DTNA: variants seen among roughly 807,000 people sequenced by gnomAD.
The protein encoded by DTNA is dystrobrevin alpha.
Under a neutral mutation model 100.7 loss-of-function variants are expected in DTNA, and 43 were observed. That is an observed-to-expected ratio of 0.43 (90% confidence interval 0.33 to 0.55). The LOEUF (loss-of-function observed/expected upper bound fraction) is 0.55. DTNA is among the 20% of genes least tolerant of loss of function. The probability of loss-of-function intolerance (pLI) is 0.04; values close to 1 mark genes in which losing one functional copy is unlikely to be tolerated. For synonymous variants in DTNA, 349 were observed against 347.9 expected, an observed-to-expected ratio of 1.00 and a Z score of -0.04; for missense variants, 798 against 953.9, an observed-to-expected ratio of 0.84 and a Z score of 2.15.
At chr18:34,630,863 A>T (rs2057992838) in intron 1 of DTNA, among the ~76,000 whole-genome samples, 1 of 152,196 alleles carries the variant, frequency 6.6e-6, no homozygotes, top group Non-Finnish European at 1.5e-5. Flanking sequence ...TAGCCAGAGT[A>T]AAAGATAAAG....
chr18:34,778,984 A>ATTTTT (rs567464632), intron 3 of DTNA, among the ~76,000 whole-genome samples: 6,187 of 147,346 alleles, frequency 0.042, 169 homozygotes, highest in African/African-American at 0.085. Context: ...TGCCCAGCTA[A>ATTTTT]TTTTTTTTTT....
At chr18:34,495,765 G>A (rs948230880) in intron 1 of DTNA, among the ~76,000 whole-genome samples, 1 of 152,154 alleles carries the variant, frequency 6.6e-6, no homozygotes, top group Non-Finnish European at 1.5e-5. Flanking sequence ...TTAGTTCTAA[G>A]TTGAAATACT....
intron 1 of DTNA, among the ~76,000 whole-genome samples, chr18:34,506,901 A>G (rs1392506461): frequency 6.6e-6 from 1 of 152,192 alleles, no homozygotes; most frequent in Non-Finnish European, 1.5e-5. Flanking sequence ...TCTTCACAGA[A>G]GCAAAAGCCC....
intron 1 of DTNA, among the ~76,000 whole-genome samples, chr18:34,673,756 T>C (rs2077060815): frequency 6.6e-6 from 1 of 152,220 alleles, no homozygotes; most frequent in African/African-American, 2.4e-5. Context: ...TGTTGACAGC[T>C]ATTTTGTCCA....
At chr18:34,674,400 T>G (rs2077150280) in intron 1 of DTNA, among the ~76,000 whole-genome samples, 1 of 152,172 alleles carries the variant, frequency 6.6e-6, no homozygotes, top group African/African-American at 2.4e-5. Context: ...GTCCTTAAAA[T>G]AGAGAGGATG....
chr18:34,577,990 G>T (rs2048277463), intron 1 of DTNA, among the ~76,000 whole-genome samples: 1 of 151,342 alleles, frequency 6.6e-6, no homozygotes, highest in African/African-American at 2.4e-5. Flanking sequence ...CCCAGTAGTG[G>T]GATTGCTGGA....
At chr18:34,522,237 T>C (rs1310133978) in intron 1 of DTNA, among the ~76,000 whole-genome samples, 2 of 152,192 alleles carry the variant, frequency 1.3e-5, no homozygotes, top group East Asian at 3.9e-4. Context: ...GTTATCCCTT[T>C]ATTATAAAGT....
intron 1 of DTNA, among the ~76,000 whole-genome samples, chr18:34,654,033 T>C (rs2073997933): frequency 1.3e-5 from 2 of 152,310 alleles, no homozygotes; most frequent in South Asian, 4.1e-4. Context: ...ATTCAGAGTG[T>C]TCCTATGAGA....
intron 1 of DTNA, among the ~76,000 whole-genome samples, chr18:34,584,523 TGAG>T (rs151330492): frequency 0.012 from 1,873 of 152,190 alleles, 34 homozygotes; most frequent in African/African-American, 0.041. Context: ...AGAACAAAGA[TGAG>T]AGACTCTTCT....
chr18:34,609,907 T>C (rs1481184134), intron 1 of DTNA, among the ~76,000 whole-genome samples: 1 of 152,168 alleles, frequency 6.6e-6, no homozygotes, highest in Non-Finnish European at 1.5e-5. Context: ...AACCAATTAA[T>C]TAGCTGAGAA....
intron 15 of DTNA, among the ~76,000 whole-genome samples, chr18:34,858,061 A>T (rs1403306309): frequency 6.6e-6 from 1 of 152,114 alleles, no homozygotes; most frequent in Non-Finnish European, 1.5e-5. Context: ...CTAGGTTTGG[A>T]TGTACTGGAA....
chr18:34,692,390 G>A (rs1322762726), intron 1 of DTNA, among the ~76,000 whole-genome samples: 2 of 151,900 alleles, frequency 1.3e-5, no homozygotes, highest in Non-Finnish European at 2.9e-5. Flanking sequence ...CTGTTATTCC[G>A]AGAAAAAAAA....
intron 1 of DTNA, among the ~76,000 whole-genome samples, chr18:34,639,862 G>C (rs2059077310): frequency 6.6e-6 from 1 of 152,206 alleles, no homozygotes; most frequent in Non-Finnish European, 1.5e-5. Flanking sequence ...AAGCTCAGCT[G>C]CCAGCCTGGC....
At position 34,498,061 on chromosome 18, in the gene DTNA, A is replaced by G. The variant is rs377106831; in HGVS notation, c.-2+4547A>G. ...TTTGGGAGGCCAAGGTGGATGGATCACCTGAGGTCAGGAGTTCGAGACCAG... is the reference window on the plus strand; with the variant it reads ...TTTGGGAGGCCAAGGTGGATGGATCGCCTGAGGTCAGGAGTTCGAGACCAG... On this transcript the variant is annotated intron_variant, in intron 1 of 19. Transcript: ENST00000283365. Among the ~76,000 whole-genome samples the G allele has an allele frequency of 1.4e-4, 21 of 152,178 alleles. No individual in the cohort carries two copies. In the East Asian group the frequency reaches 2.7e-3, roughly 20 times the overall value.
chr18:34,787,612 T>C (rs9948484), intron 3 of DTNA, among the ~76,000 whole-genome samples: 3,834 of 152,302 alleles, frequency 0.025, 168 homozygotes, highest in African/African-American at 0.087. Context: ...GCACTTTTCC[T>C]ACGGATGCTT....
intron 3 of DTNA, among the ~76,000 whole-genome samples, chr18:34,777,457 C>T (rs1487931533): frequency 2.0e-5 from 3 of 152,204 alleles, no homozygotes; most frequent in Admixed American, 1.3e-4. Flanking sequence ...TAGATATCTT[C>T]TGGGTTTACC....
At chr18:34,679,460 C>T (rs930597057) in intron 1 of DTNA, 2 of 152,152 alleles carry the variant, frequency 1.3e-5, no homozygotes, top group Non-Finnish European at 2.9e-5. Context: ...TCTACTTTCT[C>T]GTTGCAGATA....
chr18:34,649,572 A>G (rs1282365591), intron 1 of DTNA, among the ~76,000 whole-genome samples: 1 of 152,192 alleles, frequency 6.6e-6, no homozygotes, highest in South Asian at 2.1e-4. Context: ...AAGTTGTTGG[A>G]TTAAATTAAA....
In DTNA at chr18:34,889,319, C is replaced by T; in HGVS notation, c.*1585C>T. On this transcript the variant is annotated 3_prime_UTR_variant, in exon 23 of 23. Transcript: ENST00000444659. ...TCGAAATACTAATTTGTAAGCCCCACCTCAGGCCTACTGAATCAGAAGCTC... is the reference window on the plus strand; with the variant it reads ...TCGAAATACTAATTTGTAAGCCCCATCTCAGGCCTACTGAATCAGAAGCTC... 2 of 980,844 alleles carry T rather than the reference C, an allele frequency of 2.0e-6. No individual in the cohort carries two copies. The highest frequency in any genetic ancestry group is 2.4e-6 in the Non-Finnish European group (2 of 825,798). 60.8% of individuals were successfully genotyped at this position (980,844 alleles called of 1,614,324 possible).
Sources: allele counts gnomAD v4.1 joint callset (sites outside exome capture counted in the v4.1 genomes callset), GRCh38; gene constraint gnomAD v4.1.1; transcripts MANE v1.5; gene names NCBI Gene and HGNC (gene_info 2026-07-23, HGNC 2026-07-21).